The following GPC5 variants were observed in gnomAD, a reference collection of about 807,000 sequenced individuals.
GPC5 encodes glypican-5.
GPC5 carries 47 observed loss-of-function variants against 53.9 expected under a neutral mutation model. The ratio of observed to expected loss-of-function variants is 0.87; its 90% CI spans 0.69 to 1.11. The LOEUF is 1.11. GPC5 is among the 50% of genes most tolerant of loss of function. The probability of loss-of-function intolerance (pLI) is 0.00; values close to 1 mark genes in which losing one functional copy is unlikely to be tolerated. For missense variants in GPC5, 748 were observed against 713.1 expected (o/e 1.05, Z -0.56); for synonymous variants, 286 against 263.3 (o/e 1.09, Z -0.84).
At position 91,575,781 on chromosome 13, in the gene GPC5, A is replaced by G. The variant is rs552792019; in HGVS notation, c.326-117406A>G. Among the ~76,000 whole-genome samples, 3 of 152,314 alleles carry G rather than the reference A, an allele frequency of 2.0e-5. No homozygotes were observed. The East Asian group carries it at 5.8e-4, about 29-fold the overall frequency. Reference sequence around the variant, plus strand: ...TCTTTTTCCCATTGCTAATAATTTAAGTAAAGCGGCTATTTTCTTTAGGAG... The same window carrying G: ...TCTTTTTCCCATTGCTAATAATTTAGGTAAAGCGGCTATTTTCTTTAGGAG... On this transcript the variant is annotated intron_variant, in intron 2 of 7. Coordinates refer to ENST00000377067, the MANE Select transcript of GPC5 (RefSeq NM_004466.6).
intron 2 of GPC5, among the ~76,000 whole-genome samples, chr13:91,485,398 A>G (rs1883549837): frequency 6.6e-6 from 1 of 152,058 alleles, no homozygotes; most frequent in Non-Finnish European, 1.5e-5. Context: ...GTATTTTTTA[A>G]GTAGAAATGG....
intron 2 of GPC5, among the ~76,000 whole-genome samples, chr13:91,527,048 A>G (rs1886119746): frequency 6.6e-6 from 1 of 152,128 alleles, no homozygotes; most frequent in African/African-American, 2.4e-5. Flanking sequence ...GAACCAAACC[A>G]TATCATTCTG....
chr13:92,037,226 C>T (rs568306546), intron 6 of GPC5, among the ~76,000 whole-genome samples: 7 of 152,236 alleles, frequency 4.6e-5, no homozygotes, highest in Middle Eastern at 3.4e-3. Context: ...TGCGTGCACA[C>T]ACACCTTGCT....
intron 7 of GPC5, among the ~76,000 whole-genome samples, chr13:92,280,910 G>A (rs2042910262): frequency 6.6e-6 from 1 of 152,156 alleles, no homozygotes; most frequent in Non-Finnish European, 1.5e-5. Flanking sequence ...GCAGGACAAT[G>A]GGTGCAGCCC....
intron 7 of GPC5, among the ~76,000 whole-genome samples, chr13:92,646,387 T>C (rs1208982027): frequency 6.6e-6 from 1 of 152,148 alleles, no homozygotes; most frequent in Non-Finnish European, 1.5e-5. Context: ...AAGTCTTACT[T>C]TACCTCAATG....
chr13:91,457,741 C>T (rs867007988), intron 2 of GPC5, among the ~76,000 whole-genome samples: 5 of 152,088 alleles, frequency 3.3e-5, no homozygotes, highest in African/African-American at 4.8e-5. Context: ...TGACTGCTTT[C>T]GTTTTCATCC....
intron 5 of GPC5, among the ~76,000 whole-genome samples, chr13:91,890,239 T>C (rs888256491): frequency 6.6e-6 from 1 of 152,206 alleles, no homozygotes; most frequent in African/African-American, 2.4e-5. Context: ...TAGTTCTTGT[T>C]ATCAGGCATA....
chr13:92,486,861 A>ATT lies in GPC5; in HGVS notation c.1561+341883_1561+341884dup, dbSNP rs71671851. On this transcript the variant is annotated intron_variant, in intron 7 of 7. Transcript: ENST00000377067. ...GGATTAGATAACACAGGGGACAGGG[A>ATT]TTTTTTTTTTTTCAGATGGAGTCTC... 8.8e-3 allele frequency among the ~76,000 whole-genome samples: 1,311 copies of ATT among 148,896 alleles called. 15 individuals are homozygous for ATT. The highest frequency in any genetic ancestry group is 0.028 in the African/African-American group (1,137 of 40,646).
At chr13:92,201,756 G>T (rs2042296833) in intron 7 of GPC5, among the ~76,000 whole-genome samples, 1 of 152,138 alleles carries the variant, frequency 6.6e-6, no homozygotes, top group Non-Finnish European at 1.5e-5. Context: ...AATATTGAAT[G>T]ACTAAATTAT....
intron 7 of GPC5, among the ~76,000 whole-genome samples, chr13:92,658,533 G>T (rs1321625706): frequency 9.2e-5 from 14 of 152,240 alleles, no homozygotes; most frequent in African/African-American, 3.4e-4. Context: ...ATGAGTTCAG[G>T]TTGTGTCAAG....
chr13:92,508,775 T>C (rs1266203701), intron 7 of GPC5, among the ~76,000 whole-genome samples: 1 of 152,162 alleles, frequency 6.6e-6, no homozygotes, highest in Non-Finnish European at 1.5e-5. Flanking sequence ...GTAAAACAAT[T>C]TAATAAAAAT....
intron 5 of GPC5, among the ~76,000 whole-genome samples, chr13:91,840,831 CT>C (rs1299676177): frequency 6.6e-6 from 1 of 151,112 alleles, no homozygotes; most frequent in Non-Finnish European, 1.5e-5. Context: ...GGACATATTC[CT>C]GAATTACGGT....
At chr13:92,312,032 T>C (rs1391141396) in intron 7 of GPC5, among the ~76,000 whole-genome samples, 2 of 152,126 alleles carry the variant, frequency 1.3e-5, no homozygotes, top group African/African-American at 2.4e-5. Context: ...TCAGATGTTA[T>C]AGGAACAACA....
intron 5 of GPC5, among the ~76,000 whole-genome samples, chr13:91,760,964 T>C (rs1259259403): frequency 2.6e-5 from 4 of 152,156 alleles, no homozygotes; most frequent in Admixed American, 2.6e-4. Flanking sequence ...AAGAAGAAAA[T>C]ATTATTGAAA....
chr13:92,043,771 A>G (rs1283412222), intron 6 of GPC5, among the ~76,000 whole-genome samples: 1 of 152,198 alleles, frequency 6.6e-6, no homozygotes, highest in Non-Finnish European at 1.5e-5. Context: ...GTATACAGAC[A>G]TTGCCATGAG....
chr13:91,519,583 A>G (rs777552032), intron 2 of GPC5, among the ~76,000 whole-genome samples: 1 of 152,178 alleles, frequency 6.6e-6, no homozygotes, highest in Non-Finnish European at 1.5e-5. Flanking sequence ...GCTTTCTGTC[A>G]TGATTGTAAG....
At chr13:91,844,183 A>G (rs1032790549) in intron 5 of GPC5, among the ~76,000 whole-genome samples, 7 of 152,244 alleles carry the variant, frequency 4.6e-5, no homozygotes, top group East Asian at 1.9e-4. Flanking sequence ...CTTATTTTAG[A>G]GATTTTGTAA....
intron 7 of GPC5, among the ~76,000 whole-genome samples, chr13:92,862,775 G>T (rs1879224078): frequency 2.0e-5 from 3 of 152,174 alleles, no homozygotes; most frequent in Non-Finnish European, 4.4e-5. Flanking sequence ...TTTTATAAAT[G>T]AACGAGCAAA....
chr13:92,186,726 C>T (rs1246448482), intron 7 of GPC5, among the ~76,000 whole-genome samples: 1 of 152,134 alleles, frequency 6.6e-6, no homozygotes, highest in Non-Finnish European at 1.5e-5. Flanking sequence ...TGGCTTCAAT[C>T]CACTCATGTG....
Sources: allele counts gnomAD v4.1 joint callset (sites outside exome capture counted in the v4.1 genomes callset), GRCh38; gene constraint gnomAD v4.1.1; transcripts MANE v1.5; gene names NCBI Gene and HGNC (gene_info 2026-07-23, HGNC 2026-07-21).